The following TTC23L variants were observed in gnomAD, a reference collection of about 807,000 sequenced individuals.
The protein encoded by TTC23L is tetratricopeptide repeat domain 23 like.
TTC23L carries 42 observed loss-of-function variants against 48.1 expected under a neutral mutation model. That is an observed-to-expected ratio of 0.87 (90% CI 0.68 to 1.13). TTC23L has a LOEUF of 1.13. Ranked by LOEUF, TTC23L falls within the 50% of genes most tolerant of loss-of-function variation. The pLI, the probability that TTC23L is intolerant of heterozygous loss-of-function variation, is 0.00. For synonymous variants in TTC23L, 159 were observed against 157.2 expected (o/e 1.01, Z -0.09); for missense variants, 391 against 421.0 (o/e 0.93, Z 0.62).
intron 10 of TTC23L, among the ~76,000 whole-genome samples, chr5:34,897,717 C>T (rs1220203250): frequency 6.6e-6 from 1 of 152,152 alleles, no homozygotes; most frequent in Non-Finnish European, 1.5e-5. Flanking sequence ...AAACCTTGCC[C>T]TGTCTTTAGA....
chr5:34,896,941 C>T (rs1212310776), intron 10 of TTC23L, 66 bp downstream of exon 10: 15 of 622,060 alleles, frequency 2.4e-5, no homozygotes, highest in Non-Finnish European at 5.9e-6. Context: ...AATGCTGATT[C>T]CAAGGGATGT....
intron 8 of TTC23L, among the ~76,000 whole-genome samples, chr5:34,874,126 C>G (rs1259094006): frequency 6.6e-6 from 1 of 152,032 alleles, no homozygotes; most frequent in Non-Finnish European, 1.5e-5. Flanking sequence ...AACCAGTGCC[C>G]CACAAATTGG....
chr5:34,863,103 A>C lies in TTC23L; in HGVS notation c.536+49A>C. ...TTTAGTGTTCGGGGCCACAGGCCAC[A>C]CATGCCAGATGGGTCATCTCATACA... On this transcript the variant is annotated intron_variant, in intron 5 of 10. Coordinates refer to ENST00000505624, the Ensembl canonical transcript of TTC23L. This position sits in a 1 kb window ranked among gnomAD's most constrained non-coding sequence, Gnocchi z 4.1. 1 of 1,608,992 alleles carries C rather than the reference A, an allele frequency of 6.2e-7. No homozygotes were observed. Among genetic ancestry groups the C allele is most frequent in the Non-Finnish European group, 8.5e-7 (1 of 1,177,010 alleles).
chr5:34,886,369 A>AC (rs1762539970), intron 9 of TTC23L, among the ~76,000 whole-genome samples: 1 of 151,708 alleles, frequency 6.6e-6, no homozygotes, highest in African/African-American at 2.4e-5. Flanking sequence ...GATTTAAAAA[A>AC]AAAAAAAAAA....
intron 8 of TTC23L, among the ~76,000 whole-genome samples, chr5:34,879,921 A>C (rs1762103794): frequency 2.0e-5 from 3 of 152,108 alleles, no homozygotes; most frequent in Admixed American, 2.0e-4. Flanking sequence ...ACTTGAACCC[A>C]GGAGGCAGAG....
chr5:34,922,400 C>G, the TTC23L span: 14 of 904,234 alleles, frequency 1.5e-5, no homozygotes, highest in South Asian at 2.3e-4. Flanking sequence ...ATGAAGCAAA[C>G]TTTTGATTTC....
intron 9 of TTC23L, among the ~76,000 whole-genome samples, chr5:34,884,640 C>T (rs752306646): frequency 6.0e-5 from 9 of 150,924 alleles, no homozygotes; most frequent in African/African-American, 1.5e-4. Context: ...TATATGCTAA[C>T]GTTGAACAAT....
At chr5:34,915,559 C>G in the TTC23L span, 1 of 715,082 alleles carries the variant, frequency 1.4e-6, no homozygotes, top group Non-Finnish European at 2.2e-6. Context: ...ACCGTCACCA[C>G]AGAGCTGAAG....
At chr5:34,849,531 AAG>A (rs1388507363) in intron 3 of TTC23L, among the ~76,000 whole-genome samples, 1 of 152,230 alleles carries the variant, frequency 6.6e-6, no homozygotes, top group Non-Finnish European at 1.5e-5. Context: ...TATAGATGAA[AAG>A]AGACTGATCT....
At chr5:34,886,639 T>A (rs377108818) in intron 9 of TTC23L, among the ~76,000 whole-genome samples, 116 of 152,336 alleles carry the variant, frequency 7.6e-4, no homozygotes, top group African/African-American at 2.7e-3. Flanking sequence ...CATGTATATA[T>A]GTATTTTCCC....
chr5:34,866,749 C>A (rs1761074593), intron 6 of TTC23L, 143 bp from the exon 7 acceptor site: 1 of 695,820 alleles, frequency 1.4e-6, no homozygotes. Context: ...AGTTTATTTA[C>A]AGCAAGGCTA....
chr5:34,883,925 C>G (rs1334344814), intron 9 of TTC23L, among the ~76,000 whole-genome samples: 1 of 152,174 alleles, frequency 6.6e-6, no homozygotes, highest in Non-Finnish European at 1.5e-5. Context: ...CAGCATTACT[C>G]TGACATCAAA....
chr5:34,910,432 CT>C, the TTC23L span, among the ~76,000 whole-genome samples: 184 of 143,618 alleles, frequency 1.3e-3, no homozygotes, highest in Admixed American at 1.4e-3. Context: ...TTTTTCTTTT[CT>C]TTTTTTTTTT....
chr5:34,904,403 G>A (rs530041445), downstream of TTC23L, among the ~76,000 whole-genome samples: 1 of 151,682 alleles, frequency 6.6e-6, no homozygotes, highest in East Asian at 2.0e-4. Context: ...AGACCATCCT[G>A]GCCAACATGG....
chr5:34,844,637 C>T (rs1245541999), intron 2 of TTC23L, among the ~76,000 whole-genome samples: 2 of 152,168 alleles, frequency 1.3e-5, no homozygotes, highest in African/African-American at 4.8e-5. Context: ...ATTTTAAAAA[C>T]TACTCAGTGG....
intron 3 of TTC23L, among the ~76,000 whole-genome samples, chr5:34,848,309 C>T (rs985159102): frequency 2.9e-4 from 44 of 152,284 alleles, no homozygotes; most frequent in Non-Finnish European, 4.7e-4. Context: ...TTAGAGAGCT[C>T]TACCTGTCAT....
chr5:34,908,973 G>A, the TTC23L span: 2 of 1,574,016 alleles, frequency 1.3e-6, no homozygotes, highest in Non-Finnish European at 1.7e-6. Context: ...ATAAAACGCT[G>A]TTATATCAAC....
At chr5:34,860,028 TA>T (rs1760472609) in intron 4 of TTC23L, among the ~76,000 whole-genome samples, 1 of 151,894 alleles carries the variant, frequency 6.6e-6, no homozygotes, top group Non-Finnish European at 1.5e-5. Flanking sequence ...TATTTTTTTT[TA>T]GTAGAGACAG....
At chr5:34,880,418 C>G (rs1319663516) in intron 9 of TTC23L, 110 bp downstream of exon 9, 1 of 1,155,374 alleles carries the variant, frequency 8.7e-7, no homozygotes, top group Non-Finnish European at 1.2e-6. Flanking sequence ...CCAGATAAAA[C>G]TAGGCAAGAA....
Sources: allele counts gnomAD v4.1 joint callset (sites outside exome capture counted in the v4.1 genomes callset), GRCh38; gene constraint gnomAD v4.1.1; non-coding constraint Gnocchi (gnomAD v3.1); transcripts MANE v1.5; gene names NCBI Gene and HGNC (gene_info 2026-07-23, HGNC 2026-07-21).